Variants in SMC2 observed in about 807,000 individuals in gnomAD.
The protein encoded by SMC2 is structural maintenance of chromosomes protein 2.
A neutral mutation model predicts 142.6 loss-of-function variants in SMC2; 41 were observed. That is an observed-to-expected ratio of 0.29 (90% CI 0.22 to 0.37). The LOEUF is 0.37. Ranked by LOEUF, SMC2 falls within the 10% of genes least tolerant of loss-of-function variation. The pLI, the probability that SMC2 is intolerant of heterozygous loss-of-function variation, is 1.00. For missense variants in SMC2, 1,265 were observed against 1,373.7 expected, an observed-to-expected ratio of 0.92 and a Z score of 1.25; for synonymous variants, 463 against 457.5, an observed-to-expected ratio of 1.01 and a Z score of -0.15.
rs368357368 is a variant in SMC2, at chr9:104,118,389, C to A, written c.1996+14C>A. The A allele has an allele frequency of 6.9e-6, 11 of 1,595,300 alleles. No individual in the cohort carries two copies. In the African/African-American group the frequency reaches 1.3e-4, roughly 19 times the overall value. Reference sequence around the variant, plus strand: ...CATTGAGTGGAGGTAAGTTTTATATCCTTTTCTCCTCACAATTCTTTGTGG... The same window carrying A: ...CATTGAGTGGAGGTAAGTTTTATATACTTTTCTCCTCACAATTCTTTGTGG... On this transcript the variant is annotated intron_variant, in intron 15 of 24. Coordinates refer to ENST00000374793, the MANE Select transcript of SMC2 (RefSeq NM_006444.3).
At chr9:104,096,376 C>A in intron 3 of SMC2, 79 bp downstream of exon 3, 1 of 1,386,706 alleles carries the variant, frequency 7.2e-7, no homozygotes, top group Non-Finnish European at 9.9e-7. Flanking sequence ...CTTTGCAAAA[C>A]GTGCTAGAGA....
At position 104,096,403 on chromosome 9, in the gene SMC2, T is replaced by C. The variant is rs1830449242; in HGVS notation, c.318+106T>C. The C allele has an allele frequency of 8.7e-6, 9 of 1,036,396 alleles. No individual in the cohort carries two copies. The East Asian group carries it at 1.9e-4, about 22-fold the overall frequency. 64.2% of individuals were successfully genotyped at this position (1,036,396 alleles called of 1,614,324 possible). A position where few individuals can be genotyped will look rare whatever the true frequency, so the allele number is the denominator to read the frequency against. On this transcript the variant is annotated intron_variant, in intron 3 of 24. Coordinates refer to ENST00000374793, the MANE Select transcript of SMC2 (RefSeq NM_006444.3). ...TGCTAGAGAAAGTTCATGAGCAAAA[T>C]TGGTGCCTTAAATTCTGACTAGATT...
chr9:104,128,345 C>G (rs1742517732), intron 20 of SMC2, among the ~76,000 whole-genome samples: 1 of 152,128 alleles, frequency 6.6e-6, no homozygotes, highest in African/African-American at 2.4e-5. Context: ...TGATAGTGGA[C>G]TGACTGAAAT....
intron 24 of SMC2, 42 bp from the exon 25 acceptor site, chr9:104,139,097 A>G (rs1294313609): frequency 2.1e-6 from 3 of 1,397,718 alleles, no homozygotes; most frequent in East Asian, 2.4e-5. Flanking sequence ...CTTCAAGTAT[A>G]TCACAAAAAG....
At chr9:104,115,218 A>G (rs935612125) in intron 13 of SMC2, among the ~76,000 whole-genome samples, 1 of 151,006 alleles carries the variant, frequency 6.6e-6, no homozygotes, top group Non-Finnish European at 1.5e-5. Flanking sequence ...TGTAAATGCT[A>G]CGTAGTCATT....
chr9:104,097,050 C>G (rs1830510586), intron 3 of SMC2, among the ~76,000 whole-genome samples: 1 of 148,672 alleles, frequency 6.7e-6, no homozygotes, highest in Non-Finnish European at 1.5e-5. Flanking sequence ...ATTAGATTTA[C>G]TTGAAACCAC....
At chr9:104,091,938 G>A (rs1171019674), upstream of SMC2, among the ~76,000 whole-genome samples, 2 of 152,142 alleles carry the variant, frequency 1.3e-5, no homozygotes, top group Admixed American at 6.5e-5. Flanking sequence ...GCCCGCTAGC[G>A]TTGAAGCTTT....
chr9:104,137,191 C>T (rs1409055626), intron 23 of SMC2, among the ~76,000 whole-genome samples: 1 of 152,068 alleles, frequency 6.6e-6, no homozygotes, highest in Non-Finnish European at 1.5e-5. Context: ...TATTCTAGTA[C>T]TGTATGCCAG....
intron 12 of SMC2, 25 bp from the exon 13 acceptor site, chr9:104,114,666 A>T (rs1380552809): frequency 1.3e-6 from 2 of 1,595,202 alleles, no homozygotes; most frequent in Non-Finnish European, 1.7e-6. Flanking sequence ...TCTAAGATTA[A>T]TTTTTGTCAA....
chr9:104,140,057 G>A lies in SMC2; in HGVS notation c.*742G>A, dbSNP rs1180325381. On this transcript the variant is annotated 3_prime_UTR_variant, in exon 25 of 25. Coordinates refer to ENST00000374793, the MANE Select transcript of SMC2 (RefSeq NM_006444.3). ...CAAAGCTTAGGAGGTGTGTTGCGTG[G>A]TACTATCTGCTGCAAATTTATCTGA... The A allele has an allele frequency of 6.6e-6, 1 of 151,930 alleles. No homozygotes were observed. The highest frequency in any genetic ancestry group is 1.9e-4 in the East Asian group (1 of 5,188). The allele number at this position is 151,930 out of a possible 1,614,324, so 9.4% of individuals were successfully genotyped here. A position where few individuals can be genotyped will look rare whatever the true frequency, so the allele number is the denominator to read the frequency against.
intron 16 of SMC2, among the ~76,000 whole-genome samples, chr9:104,121,147 T>C (rs143251964): frequency 6.6e-5 from 10 of 152,266 alleles, no homozygotes; most frequent in African/African-American, 2.4e-4. Context: ...AGTCCCCACT[T>C]GAATTGAAAG....
intron 22 of SMC2, among the ~76,000 whole-genome samples, chr9:104,133,668 C>T (rs565770975): frequency 7.2e-5 from 11 of 152,136 alleles, no homozygotes; most frequent in African/African-American, 2.4e-4. Flanking sequence ...CAATCAAGTG[C>T]GTATGAACAA....
At chr9:104,125,264 GGAGTATCCAGGATGAGCATCTCAAATCC>G (rs1382471742) in intron 18 of SMC2, among the ~76,000 whole-genome samples, 159 bp downstream of exon 18, 1 of 152,122 alleles carries the variant, frequency 6.6e-6, no homozygotes, top group African/African-American at 2.4e-5. Context: ...ACAAGTCAAA[GGAGTATCCAGGATGAGCATCTCAAATCC>G]AAAATACAAA....
rs1202967392 is a variant in SMC2 at position 104,096,239 on chromosome 9, A to G, written c.260A>G (p.Asp87Gly). 1 of 1,614,172 alleles carries G rather than the reference A, an allele frequency of 6.2e-7. No individual in the cohort carries two copies. Among genetic ancestry groups the G allele is most frequent in the East Asian group, 2.2e-5 (1 of 44,880 alleles). The change falls in exon 3 of 25, where the codon GAC becomes GGC. Residue 87 changes from aspartate to glycine, a missense_variant. By Grantham distance (94) the Asp-to-Gly change is moderately conservative (BLOSUM62 -1). Around this residue, in one of 4 missense-constraint regions of SMC2, gnomAD observed 168 missense variants for 184.8 expected, o/e 0.91. Transcript: ENST00000374793. ...GTGTCAATCACTTTTGATAATTCTG[A>G]CAAAAAGCAAAGTCCTTTAGGATTT... ...ASVSITFDNS[D>G]KKQSPLGFEV... is the part of the protein sequence containing the mutation.
chr9:104,117,407 G>T (rs1433486344), intron 14 of SMC2, among the ~76,000 whole-genome samples: 1 of 152,184 alleles, frequency 6.6e-6, no homozygotes, highest in Non-Finnish European at 1.5e-5. Flanking sequence ...CTCTAAAAGA[G>T]ATGCTTAGTT....
At chr9:104,089,141 G>T in the SMC2 span, among the ~76,000 whole-genome samples, 3 of 152,052 alleles carry the variant, frequency 2.0e-5, no homozygotes, top group African/African-American at 7.3e-5. Flanking sequence ...GAGGGAAGAG[G>T]TACCATTTTT....
In SMC2 at chr9:104,139,193, AAAACC is replaced by A; in HGVS notation, c.3475_3479del (p.Thr1159ValfsTer47). On this transcript the variant is annotated frameshift_variant, in exon 25 of 25. Transcript: ENST00000374793. LOFTEE classifies it high-confidence loss of function. ...GTTCAACAATGCAAACGTTCTTTTC[AAAACC>A]AAGTTTGTGGATGGTGTTTCTACAG... 1 of 1,603,764 alleles carries A rather than the reference AAAACC, an allele frequency of 6.2e-7. No homozygotes were observed. The highest frequency in any genetic ancestry group is 8.5e-7 in the Non-Finnish European group (1 of 1,176,814).
intron 8 of SMC2, 48 bp downstream of exon 8, chr9:104,102,241 A>C: frequency 8.4e-7 from 1 of 1,184,008 alleles, no homozygotes; most frequent in South Asian, 1.5e-5. Context: ...TGAAAAACGT[A>C]CTAAATTATA....
chr9:104,118,964 C>T (rs908968716), intron 15 of SMC2, among the ~76,000 whole-genome samples: 1 of 152,080 alleles, frequency 6.6e-6, no homozygotes, highest in Non-Finnish European at 1.5e-5. Flanking sequence ...TATACAGTTG[C>T]AGAAATGAAG....
Sources: gnomAD v4.1 joint callset for allele counts (sites outside exome capture counted in the v4.1 genomes callset) on GRCh38, gnomAD v4.1.1 for gene constraint, gnomAD v4.1.1 regional missense constraint, MANE v1.5 for transcripts, NCBI Gene and HGNC (gene_info 2026-07-23, HGNC 2026-07-21) for gene names.